The following CERKL variants were observed in gnomAD, a reference collection of about 807,000 sequenced individuals.
The protein encoded by CERKL is CERK like autophagy regulator, also known as ceramide kinase-like protein.
Under a neutral mutation model 63.4 loss-of-function variants are expected in CERKL, and 61 were observed. The observed-to-expected ratio is 0.96, with a 90% confidence interval of 0.78 to 1.19. The LOEUF (loss-of-function observed/expected upper bound fraction) is 1.19. Ranked by LOEUF, CERKL falls within the 50% of genes most tolerant of loss-of-function variation. CERKL has a pLI of 0.00. For synonymous variants in CERKL, 250 were observed against 230.5 expected, an observed-to-expected ratio of 1.08 and a Z score of -0.77; for missense variants, 675 against 655.5, an observed-to-expected ratio of 1.03 and a Z score of -0.33.
chr2:181,573,881 A>G lies in CERKL; in HGVS notation c.485T>C (p.Phe162Ser), dbSNP rs1574462616. Residue 162 changes from phenylalanine (F) to serine (S), a missense_variant, in exon 3 of 13, where the codon TTT becomes TCT. Phe to Ser is a radical substitution (Grantham distance 155). Coordinates refer to ENST00000410087, the MANE Select transcript of CERKL (RefSeq NM_201548.5). ...TTTTAATGACTTCGGTCTGTTTGGA[A>G]AGCCTAAGAAGAAATTTTAAAGACA... ...FRQFKKILAG[F>S]PNRPKSLKIL... is the part of the protein sequence containing the mutation. The G allele has an allele frequency of 1.2e-6, 2 of 1,612,226 alleles. No individual in the cohort carries two copies. Among genetic ancestry groups the G allele is most frequent in the Non-Finnish European group, 1.7e-6 (2 of 1,179,222 alleles).
chr2:181,650,935 T>C (rs766350025), intron 1 of CERKL, among the ~76,000 whole-genome samples: 9 of 152,042 alleles, frequency 5.9e-5, no homozygotes, highest in South Asian at 2.1e-4. Context: ...TTTGATAACA[T>C]AGAAAAAACG....
chr2:181,560,683 A>G (rs2105823876), intron 4 of CERKL, among the ~76,000 whole-genome samples: 1 of 152,312 alleles, frequency 6.6e-6, no homozygotes, highest in East Asian at 1.9e-4. Context: ...TACCACTAGT[A>G]AGTAATAGAA....
At chr2:181,631,584 C>T (rs761881426) in intron 1 of CERKL, among the ~76,000 whole-genome samples, 10 of 152,094 alleles carry the variant, frequency 6.6e-5, no homozygotes, top group Non-Finnish European at 1.5e-4. Flanking sequence ...ATGCTGCTTT[C>T]CACATGACCT....
chr2:181,597,163 A>T (rs927342587), intron 2 of CERKL, among the ~76,000 whole-genome samples: 2 of 152,212 alleles, frequency 1.3e-5, no homozygotes, highest in East Asian at 3.8e-4. Flanking sequence ...ACATGCTATC[A>T]GTCCAAGATA....
intron 4 of CERKL, among the ~76,000 whole-genome samples, chr2:181,559,516 A>G (rs1688348743): frequency 6.6e-6 from 1 of 152,188 alleles, no homozygotes; most frequent in Admixed American, 6.6e-5. Context: ...GCCCAGCAGG[A>G]ATGGAAGAGT....
chr2:181,570,509 C>T (rs1406749511), intron 3 of CERKL, among the ~76,000 whole-genome samples: 1 of 152,170 alleles, frequency 6.6e-6, no homozygotes, highest in Non-Finnish European at 1.5e-5. Flanking sequence ...ATCGTTCATA[C>T]TCTTCTTTGA....
chr2:181,616,039 C>T (rs1308927096), intron 1 of CERKL, among the ~76,000 whole-genome samples: 1 of 151,796 alleles, frequency 6.6e-6, no homozygotes, highest in Non-Finnish European at 1.5e-5. Flanking sequence ...ACATTGTTAT[C>T]GGATCAAATA....
intron 5 of CERKL, among the ~76,000 whole-genome samples, chr2:181,551,551 T>C (rs1259966407): frequency 6.8e-6 from 1 of 146,868 alleles, no homozygotes; most frequent in South Asian, 2.1e-4. Context: ...CCAACAAACA[T>C]ATAAAAAAAA....
intron 11 of CERKL, 55 bp from the exon 12 acceptor site, chr2:181,539,319 G>C: frequency 8.8e-7 from 1 of 1,138,028 alleles, no homozygotes; most frequent in Non-Finnish European, 1.3e-6. Flanking sequence ...CTACTAACGC[G>C]AATCAAAGTT....
chr2:181,628,613 A>T lies in CERKL; in HGVS notation c.239-24534T>A, dbSNP rs79188601. ...CCTCTTCCAAAAAGCTGTTCAAACA[A>T]CTTTCAAATAATGAAATTGAGATCT... On this transcript the variant is annotated intron_variant, in intron 1 of 12. Transcript: ENST00000410087. Among the ~76,000 whole-genome samples the T allele has an allele frequency of 2.6e-5, 4 of 152,216 alleles. No homozygotes were observed. In the East Asian group the frequency reaches 7.7e-4, roughly 29 times the overall value.
intron 11 of CERKL, among the ~76,000 whole-genome samples, chr2:181,539,505 T>C (rs1457102705): frequency 2.0e-5 from 3 of 152,178 alleles, no homozygotes; most frequent in Non-Finnish European, 2.9e-5. Flanking sequence ...ATAGTACATA[T>C]CTGTGAGAAG....
At chr2:181,642,955 C>T (rs1445994982) in intron 1 of CERKL, among the ~76,000 whole-genome samples, 7 of 152,128 alleles carry the variant, frequency 4.6e-5, no homozygotes, top group Non-Finnish European at 7.4e-5. Context: ...TACACCAAAG[C>T]GATTGCCCAC....
chr2:181,560,168 T>C (rs57206369), intron 4 of CERKL, among the ~76,000 whole-genome samples: 60,278 of 151,918 alleles, frequency 0.4, 12,755 homozygotes, highest in African/African-American at 0.53. Flanking sequence ...CAAAAATCTC[T>C]ATGAGATTTC....
chr2:181,550,308 T>C lies in CERKL; in HGVS notation c.821-600A>G, dbSNP rs1451104840. 1.3e-5 allele frequency among the ~76,000 whole-genome samples: 2 copies of C among 152,180 alleles called. No individual in the cohort carries two copies. The highest frequency in any genetic ancestry group is 3.8e-4 in the East Asian group (2 of 5,200). The stretch of plus-strand genomic sequence containing the variant: ...TGTATTTCCCATGTATGAAGATTTG[T>C]ATTTGAAACATTATGATTTCTGATT... On this transcript the variant is annotated intron_variant, in intron 5 of 12. Coordinates refer to ENST00000410087, the MANE Select transcript of CERKL (RefSeq NM_201548.5). This position sits in a 1 kb window ranked among gnomAD's most constrained non-coding sequence, Gnocchi z 4.5.
chr2:181,557,634 G>A (rs1003571083), intron 5 of CERKL, among the ~76,000 whole-genome samples: 38 of 152,058 alleles, frequency 2.5e-4, no homozygotes, highest in Non-Finnish European at 5.3e-4. Context: ...CACACGGTGA[G>A]GCAAAATGAA....
intron 2 of CERKL, among the ~76,000 whole-genome samples, chr2:181,592,875 G>A (rs1181125629): frequency 6.6e-6 from 1 of 151,984 alleles, no homozygotes; most frequent in Non-Finnish European, 1.5e-5. Context: ...TGATGATGAC[G>A]GTGATAATGA....
intron 1 of CERKL, among the ~76,000 whole-genome samples, chr2:181,650,954 G>A (rs763833497): frequency 6.6e-6 from 1 of 152,016 alleles, no homozygotes; most frequent in Admixed American, 6.6e-5. Context: ...CGAAGTCCCC[G>A]ACACATACAA....
chr2:181,599,538 A>C (rs1574485650), intron 2 of CERKL, among the ~76,000 whole-genome samples: 1 of 151,004 alleles, frequency 6.6e-6, no homozygotes, highest in African/African-American at 2.4e-5. Context: ...CTCCATCTCA[A>C]AACAAAACAA....
intron 1 of CERKL, among the ~76,000 whole-genome samples, chr2:181,629,955 T>A (rs1241084301): frequency 2.6e-5 from 3 of 117,160 alleles, no homozygotes; most frequent in East Asian, 7.0e-4. Context: ...CATTAACCAT[T>A]GTCTTGGAAA....
Sources: allele counts gnomAD v4.1 joint callset (sites outside exome capture counted in the v4.1 genomes callset), GRCh38; gene constraint gnomAD v4.1.1; non-coding constraint Gnocchi (gnomAD v3.1); transcripts MANE v1.5; gene names NCBI Gene and HGNC (gene_info 2026-07-23, HGNC 2026-07-21).